ANGPT1: variants seen among roughly 807,000 people sequenced by gnomAD.
ANGPT1 encodes angiopoietin 1, also known as angiopoietin-1.
Under a neutral mutation model 62.2 loss-of-function variants are expected in ANGPT1, and 17 were observed. The observed-to-expected ratio is 0.27, with a 90% CI of 0.19 to 0.41. The LOEUF is 0.41. ANGPT1 is among the 10% of genes least tolerant of loss of function. ANGPT1 has a pLI of 1.00. For missense variants in ANGPT1, 478 were observed against 594.9 expected, an observed-to-expected ratio of 0.80 and a Z score of 2.04; for synonymous variants, 199 against 198.9, an observed-to-expected ratio of 1.00 and a Z score of 0.00.
At chr8:107,378,334 A>G (rs917912004) in intron 1 of ANGPT1, among the ~76,000 whole-genome samples, 1 of 152,214 alleles carries the variant, frequency 6.6e-6, no homozygotes, top group African/African-American at 2.4e-5. Flanking sequence ...AGAAAGGTGC[A>G]TTTAGAAATA....
chr8:107,375,020 C>T (rs111813912), intron 1 of ANGPT1, among the ~76,000 whole-genome samples: 25,016 of 151,912 alleles, frequency 0.16, 2,520 homozygotes, highest in Admixed American at 0.23. Flanking sequence ...ATCAGCTGGG[C>T]GTGGTGGCAC....
intron 6 of ANGPT1, among the ~76,000 whole-genome samples, chr8:107,293,396 A>G (rs1814330556): frequency 6.6e-6 from 1 of 152,168 alleles, no homozygotes; most frequent in African/African-American, 2.4e-5. Context: ...ATAAAACTAA[A>G]AAAGGCTGAA....
intron 1 of ANGPT1, among the ~76,000 whole-genome samples, chr8:107,483,490 T>G (rs368364545): frequency 7.2e-5 from 11 of 152,218 alleles, no homozygotes; most frequent in Middle Eastern, 6.8e-3. Context: ...TTCACAAGTG[T>G]TTATTAATTT....
chr8:107,334,094 C>T (rs1260855858), intron 3 of ANGPT1, among the ~76,000 whole-genome samples: 2 of 151,182 alleles, frequency 1.3e-5, no homozygotes, highest in African/African-American at 4.9e-5. Context: ...TACCTGAGTA[C>T]AAGTGGTGCA....
chr8:107,480,367 G>T (rs1264330210), intron 1 of ANGPT1, among the ~76,000 whole-genome samples: 2 of 152,164 alleles, frequency 1.3e-5, no homozygotes, highest in East Asian at 3.8e-4. Flanking sequence ...CATAAATTCT[G>T]CTAAAATTGA....
chr8:107,477,136 C>G (rs1286817168), intron 1 of ANGPT1, among the ~76,000 whole-genome samples: 1 of 152,116 alleles, frequency 6.6e-6, no homozygotes, highest in Non-Finnish European at 1.5e-5. Flanking sequence ...TATTTGTCAC[C>G]TTACCTGTAA....
chr8:107,330,343 T>C (rs1430819124), intron 3 of ANGPT1, among the ~76,000 whole-genome samples: 1 of 152,164 alleles, frequency 6.6e-6, no homozygotes, highest in Non-Finnish European at 1.5e-5. Context: ...ACTTAGTCGA[T>C]TATCCCAGGA....
At chr8:107,415,846 T>C (rs1221174312) in intron 1 of ANGPT1, among the ~76,000 whole-genome samples, 1 of 152,162 alleles carries the variant, frequency 6.6e-6, no homozygotes, top group Non-Finnish European at 1.5e-5. Flanking sequence ...TAGGTAGTCA[T>C]GGAGGGCTCC....
At chr8:107,403,054 C>A (rs1277925100) in intron 1 of ANGPT1, among the ~76,000 whole-genome samples, 2 of 152,000 alleles carry the variant, frequency 1.3e-5, no homozygotes, top group East Asian at 3.9e-4. Context: ...GTTTTTCAGC[C>A]CATAGGAATT....
At chr8:107,340,068 G>T (rs1815661264) in intron 2 of ANGPT1, among the ~76,000 whole-genome samples, 1 of 152,162 alleles carries the variant, frequency 6.6e-6, no homozygotes, top group South Asian at 2.1e-4. Context: ...GCAACCAAGA[G>T]AATTGCATAG....
intron 1 of ANGPT1, among the ~76,000 whole-genome samples, chr8:107,414,922 A>G (rs1175494069): frequency 2.6e-5 from 4 of 152,196 alleles, no homozygotes; most frequent in Non-Finnish European, 5.9e-5. Context: ...AATTTTGTCA[A>G]ACTGGTTACA....
chr8:107,352,522 G>A (rs1236867449), intron 1 of ANGPT1, among the ~76,000 whole-genome samples: 6 of 152,022 alleles, frequency 3.9e-5, no homozygotes, highest in Non-Finnish European at 7.4e-5. Flanking sequence ...AAACCCTTGC[G>A]GGCTTCAGTT....
chr8:107,416,408 A>T (rs1810744941), intron 1 of ANGPT1, among the ~76,000 whole-genome samples: 1 of 152,166 alleles, frequency 6.6e-6, no homozygotes, highest in Non-Finnish European at 1.5e-5. Flanking sequence ...CGATACATAG[A>T]ATGAGGTCTG....
chr8:107,409,992 T>C lies in ANGPT1; in HGVS notation c.298-62895A>G, dbSNP rs1817233033. ...ATCCATCCATCCATCCATCCAACCA[T>C]CCAAGATTTATTGAGCCAGATGCTG... On this transcript the variant is annotated intron_variant, in intron 1 of 8. Transcript: ENST00000517746. Among the ~76,000 whole-genome samples, 3 of 151,502 alleles carry C rather than the reference T, an allele frequency of 2.0e-5. No homozygotes were observed. In the South Asian group the frequency reaches 6.3e-4, roughly 32 times the overall value.
intron 1 of ANGPT1, among the ~76,000 whole-genome samples, chr8:107,382,411 G>A (rs1654727): frequency 0.48 from 72,355 of 151,818 alleles, 19,084 homozygotes; most frequent in Middle Eastern, 0.59. Context: ...TCACAGAGAG[G>A]TCTGCTGTGC....
chr8:107,458,845 T>C (rs1202863884), intron 1 of ANGPT1, among the ~76,000 whole-genome samples: 1 of 152,060 alleles, frequency 6.6e-6, no homozygotes, highest in Non-Finnish European at 1.5e-5. Flanking sequence ...AATAACCCTA[T>C]CAAATAAATT....
chr8:107,387,798 A>G (rs1458355081), intron 1 of ANGPT1, among the ~76,000 whole-genome samples: 1 of 151,692 alleles, frequency 6.6e-6, no homozygotes, highest in Non-Finnish European at 1.5e-5. Flanking sequence ...TTTTTTTTTA[A>G]GATTAAATTT....
chr8:107,349,541 A>G (rs1815888111), intron 1 of ANGPT1, among the ~76,000 whole-genome samples: 1 of 152,184 alleles, frequency 6.6e-6, no homozygotes, highest in African/African-American at 2.4e-5. Context: ...GCTATCATTT[A>G]TAGCTGACAG....
At chr8:107,431,686 A>G (rs966898455) in intron 1 of ANGPT1, among the ~76,000 whole-genome samples, 1 of 150,310 alleles carries the variant, frequency 6.7e-6, no homozygotes, top group African/African-American at 2.4e-5. Flanking sequence ...GAATCTCCTT[A>G]ATGCTTGTAT....
Sources: allele counts gnomAD v4.1 joint callset (sites outside exome capture counted in the v4.1 genomes callset), GRCh38; gene constraint gnomAD v4.1.1; transcripts MANE v1.5; gene names NCBI Gene and HGNC (gene_info 2026-07-23, HGNC 2026-07-21).